The following RND3 variants were observed in gnomAD, a reference collection of about 807,000 sequenced individuals.
RND3 encodes Rho family GTPase 3.
Under a neutral mutation model 26.5 loss-of-function variants are expected in RND3, and 8 were observed. The ratio of observed to expected loss-of-function variants is 0.30; its 90% CI spans 0.18 to 0.54. The LOEUF (loss-of-function observed/expected upper bound fraction) is 0.54, where lower values mean the gene tolerates loss of function less well. Among genes scored for constraint, RND3 ranks in the 20% least tolerant of loss-of-function variants. The probability of loss-of-function intolerance (pLI) is 0.94; values close to 1 mark genes in which losing one functional copy is unlikely to be tolerated. For synonymous variants in RND3, 113 were observed against 113.0 expected, an observed-to-expected ratio of 1.00 and a Z score of 0.00; for missense variants, 207 against 302.8, an observed-to-expected ratio of 0.68 and a Z score of 2.35.
intron 3 of RND3, among the ~76,000 whole-genome samples, chr2:150,481,843 T>C (rs1308416727): frequency 6.6e-6 from 1 of 152,150 alleles, no homozygotes; most frequent in Non-Finnish European, 1.5e-5. Flanking sequence ...TTAAGAAATA[T>C]TTCATTAGAG....
intron 2 of RND3, chr2:150,487,030 G>A (rs2105225286): frequency 3.3e-6 from 2 of 603,450 alleles, no homozygotes; most frequent in Admixed American, 2.9e-5. Flanking sequence ...ACACAGGAAC[G>A]AACAAGTTTC....
chr2:150,486,977 C>T lies in RND3; in HGVS notation c.151-196G>A. 3 of 623,184 alleles carry T rather than the reference C, an allele frequency of 4.8e-6. No homozygotes were observed. Among genetic ancestry groups the T allele is most frequent in the Non-Finnish European group, 8.6e-6 (3 of 348,096 alleles). 38.6% of individuals were successfully genotyped at this position (623,184 alleles called of 1,614,324 possible). A position where few individuals can be genotyped will look rare whatever the true frequency, so the allele number is the denominator to read the frequency against. On this transcript the variant is annotated intron_variant, in intron 2 of 5. Transcript: ENST00000263895. This position sits in a 1 kb window ranked among gnomAD's most constrained non-coding sequence, Gnocchi z 4.5. ...TACTCCCCACTCACCCCACCCGGCTCTCACAGATCTGCTGACCCGAATCTC... is the reference window on the plus strand; with the variant it reads ...TACTCCCCACTCACCCCACCCGGCTTTCACAGATCTGCTGACCCGAATCTC...
intron 4 of RND3, among the ~76,000 whole-genome samples, chr2:150,474,514 G>A (rs2105217611): frequency 6.6e-6 from 1 of 152,190 alleles, no homozygotes; most frequent in East Asian, 1.9e-4. Flanking sequence ...TCTGACTTGA[G>A]GTCAAATGTA....
In RND3 at chr2:150,487,026, G is replaced by A. The variant is rs1573958669; in HGVS notation, c.150+242C>T. The A allele has an allele frequency of 6.6e-6, 4 of 604,304 alleles. No homozygotes were observed. The East Asian group carries it at 8.3e-5, about 12-fold the overall frequency. 37.4% of individuals were successfully genotyped at this position (604,304 alleles called of 1,614,324 possible). On this transcript the variant is annotated intron_variant, in intron 2 of 5. Transcript: ENST00000263895. ...TCCCAACCCCAGGTTATGCACACAG[G>A]AACGAACAAGTTTCAGGAGCTAACC...
chr2:150,474,078 C>T (rs1324774061), intron 4 of RND3, among the ~76,000 whole-genome samples: 1 of 152,180 alleles, frequency 6.6e-6, no homozygotes, highest in Non-Finnish European at 1.5e-5. Context: ...CATGGACTAA[C>T]ACGGCATGTG....
Position 150,487,257 on chromosome 2 carries a change from G to A in RND3, c.150+11C>T. On this transcript the variant is annotated intron_variant, in intron 2 of 5. Transcript: ENST00000263895. Reference sequence around the variant, plus strand: ...GACCCCCTCGTGGAAGCCGCGGCCGGCCACACTCACCTCGGGGAAGCAGTC... The same window carrying A: ...GACCCCCTCGTGGAAGCCGCGGCCGACCACACTCACCTCGGGGAAGCAGTC... 1 of 1,572,102 alleles carries A rather than the reference G, an allele frequency of 6.4e-7. No homozygotes were observed. The highest frequency in any genetic ancestry group is 1.2e-5 in the South Asian group (1 of 83,984).
At chr2:150,471,826 A>G in intron 4 of RND3, 65 bp from the exon 5 acceptor site, 1 of 1,319,660 alleles carries the variant, frequency 7.6e-7, no homozygotes, top group Non-Finnish European at 1.1e-6. Context: ...CATGAAAACC[A>G]TTTCTCCACT....
intron 5 of RND3, among the ~76,000 whole-genome samples, chr2:150,471,019 C>T (rs984432564): frequency 5.9e-5 from 9 of 152,256 alleles, no homozygotes; most frequent in South Asian, 2.1e-4. Flanking sequence ...ATACCACCAA[C>T]GTACACAACA....
In RND3 at chr2:150,483,634, T is replaced by C. The variant is rs72865943; in HGVS notation, c.238+3060A>G. On this transcript the variant is annotated intron_variant, in intron 3 of 5. Coordinates refer to ENST00000263895, the MANE Select transcript of RND3 (RefSeq NM_005168.5). ...AAACATTTACCAAAAAATAGTCCTGTCCAGAAATTTGCCATGAAAAGCTTG... is the reference window on the plus strand; with the variant it reads ...AAACATTTACCAAAAAATAGTCCTGCCCAGAAATTTGCCATGAAAAGCTTG... Among the ~76,000 whole-genome samples, 931 of 152,318 alleles carry C rather than the reference T, an allele frequency of 6.1e-3. 5 individuals carry two copies. The highest frequency in any genetic ancestry group is 0.015 in the South Asian group (72 of 4,826).
chr2:150,472,775 A>G (rs983297850), intron 4 of RND3, among the ~76,000 whole-genome samples: 1 of 152,166 alleles, frequency 6.6e-6, no homozygotes, highest in Non-Finnish European at 1.5e-5. Flanking sequence ...TTCTGGAAGG[A>G]AATTCACAGA....
intron 4 of RND3, among the ~76,000 whole-genome samples, chr2:150,472,998 C>T (rs1016900124): frequency 2.0e-5 from 3 of 151,102 alleles, no homozygotes; most frequent in African/African-American, 7.3e-5. Context: ...CCCTTCCTCC[C>T]TCCCTCCCTC....
At chr2:150,474,545 A>G (rs1002457451) in intron 4 of RND3, among the ~76,000 whole-genome samples, 2 of 152,198 alleles carry the variant, frequency 1.3e-5, no homozygotes, top group African/African-American at 4.8e-5. Context: ...CTAAGATGCA[A>G]TCTGTTGAGT....
chr2:150,485,624 G>A (rs564565588), intron 3 of RND3, among the ~76,000 whole-genome samples: 1 of 152,240 alleles, frequency 6.6e-6, no homozygotes, highest in African/African-American at 2.4e-5. Context: ...CTTTTCCATA[G>A]CCGACACCCT....
chr2:150,478,579 CA>C (rs1229770069), intron 3 of RND3, among the ~76,000 whole-genome samples: 3,453 of 106,376 alleles, frequency 0.032, 105 homozygotes, highest in African/African-American at 0.095. Flanking sequence ...AGCCAAACGG[CA>C]AAAAAAAAAA....
At chr2:150,473,540 A>C (rs1446058970) in intron 4 of RND3, among the ~76,000 whole-genome samples, 1 of 152,184 alleles carries the variant, frequency 6.6e-6, no homozygotes, top group Non-Finnish European at 1.5e-5. Context: ...AAAGACAGGA[A>C]AGGTGTATTC....
chr2:150,471,071 C>A (rs923123726), intron 5 of RND3, among the ~76,000 whole-genome samples: 1 of 152,070 alleles, frequency 6.6e-6, no homozygotes, highest in African/African-American at 2.4e-5. Context: ...ATTTAAAATA[C>A]CAAATTTTTT....
chr2:150,470,003 C>T lies in RND3; in HGVS notation c.719G>A (p.Ser240Asn). ...ATDLRKDKAK[S>N]CTVM The stretch of plus-strand genomic sequence containing the variant: ...ATGAAAGATTCACATCACAGTGCAG[C>T]TCTTCGCTTTGTCCTTTCGTAAGTC... The change falls in exon 6 of 6, where the codon AGC (serine) becomes AAC (asparagine). Residue 240 changes from serine to asparagine, a missense_variant. Ser to Asn is a conservative substitution (Grantham distance 46). Transcript: ENST00000263895. The T allele has an allele frequency of 6.2e-7, 1 of 1,613,958 alleles. No individual in the cohort carries two copies.
chr2:150,487,474 A>AAAATATATATAGAT lies in RND3; in HGVS notation c.-38-20_-38-19insATCTATATATATTT. ...ATTTTCTCTTAAGAAGAAAAAAAAA[A>AAAATATATATAGAT]ATATATATATATATATATATTTCTC... On this transcript the variant is annotated intron_variant, in intron 1 of 5. Coordinates refer to ENST00000263895, the MANE Select transcript of RND3 (RefSeq NM_005168.5). The AAAATATATATAGAT allele has an allele frequency of 5.1e-6, 1 of 195,420 alleles. No individual in the cohort carries two copies. Among genetic ancestry groups the AAAATATATATAGAT allele is most frequent in the Non-Finnish European group, 8.9e-6 (1 of 112,126 alleles). The allele number at this position is 195,420 out of a possible 1,614,324, so 12.1% of individuals were successfully genotyped here.
chr2:150,487,472 A>ATATATATGTATATAT lies in RND3; in HGVS notation c.-38-18_-38-17insATATATACATATATA. On this transcript the variant is annotated splice_polypyrimidine_tract_variant and intron_variant, in intron 1 of 5. Transcript: ENST00000263895. ...GAATTTTCTCTTAAGAAGAAAAAAA[A>ATATATATGTATATAT]AAATATATATATATATATATATTTC... 2.9e-6 allele frequency: 1 copy of ATATATATGTATATAT among 343,776 alleles called. No individual in the cohort carries two copies. The highest frequency in any genetic ancestry group is 4.1e-6 in the Non-Finnish European group (1 of 245,266). The allele number at this position is 343,776 out of a possible 1,614,324, so 21.3% of individuals were successfully genotyped here. A position where few individuals can be genotyped will look rare whatever the true frequency, so the allele number is the denominator to read the frequency against.
Sources: allele counts gnomAD v4.1 joint callset (sites outside exome capture counted in the v4.1 genomes callset), GRCh38; gene constraint gnomAD v4.1.1; non-coding constraint Gnocchi (gnomAD v3.1); transcripts MANE v1.5; gene names NCBI Gene and HGNC (gene_info 2026-07-23, HGNC 2026-07-21).